FHIT: variants seen among roughly 807,000 people sequenced by gnomAD.
FHIT encodes fragile histidine triad diadenosine triphosphatase, also known as bis(5'-adenosyl)-triphosphatase.
FHIT carries 19 observed loss-of-function variants against 17.9 expected under a neutral mutation model. The ratio of observed to expected loss-of-function variants is 1.06; its 90% CI spans 0.74 to 1.56. The LOEUF (loss-of-function observed/expected upper bound fraction) is 1.56, where lower values mean the gene tolerates loss of function less well. Among genes scored for constraint, FHIT ranks in the 40% most tolerant of loss-of-function variants. The pLI is 0.00. For missense variants in FHIT, 248 were observed against 189.2 expected, an observed-to-expected ratio of 1.31 and a Z score of -1.82; for synonymous variants, 81 against 69.7, an observed-to-expected ratio of 1.16 and a Z score of -0.81.
intron 5 of FHIT, among the ~76,000 whole-genome samples, chr3:60,219,678 A>C (rs1362845272): frequency 6.6e-6 from 1 of 152,062 alleles, no homozygotes; most frequent in Non-Finnish European, 1.5e-5. Flanking sequence ...CCCTTCATTA[A>C]TCTTGGGAAA....
intron 7 of FHIT, among the ~76,000 whole-genome samples, chr3:59,999,800 G>C (rs532742655): frequency 1.3e-5 from 2 of 152,140 alleles, no homozygotes; most frequent in South Asian, 4.1e-4. Context: ...TAGAGACAGG[G>C]TTTCACCATG....
chr3:60,145,491 A>G (rs1351845255), intron 5 of FHIT, among the ~76,000 whole-genome samples: 1 of 152,200 alleles, frequency 6.6e-6, no homozygotes, highest in Non-Finnish European at 1.5e-5. Context: ...TTTAGTTCAG[A>G]TGACTAAAAA....
At chr3:61,021,266 C>G (rs1049393487) in intron 3 of FHIT, among the ~76,000 whole-genome samples, 2 of 152,138 alleles carry the variant, frequency 1.3e-5, no homozygotes, top group Non-Finnish European at 2.9e-5. Flanking sequence ...TAAAATTGAC[C>G]ACATAAGTGG....
intron 8 of FHIT, among the ~76,000 whole-genome samples, chr3:59,795,012 C>T (rs148596277): frequency 6.6e-6 from 1 of 152,158 alleles, no homozygotes; most frequent in Non-Finnish European, 1.5e-5. Flanking sequence ...TACTTACTTA[C>T]CTCAAAGGAT....
In FHIT at chr3:60,730,560, T is replaced by C. The variant is rs142293378; in HGVS notation, c.-18+91359A>G. ...TGACTCACTTAAGCATTCTTCAGCA[T>C]GTGCGTGGATGCTGATGAAATAGCC... On this transcript the variant is annotated intron_variant, in intron 4 of 9. Transcript: ENST00000492590. The C allele has an allele frequency of 4.1e-3, 670 of 162,072 alleles. 3 individuals carry two copies. Among genetic ancestry groups the C allele is most frequent in the African/African-American group, 0.015 (640 of 41,650 alleles). The allele number at this position is 162,072 out of a possible 1,614,324, so 10.0% of individuals were successfully genotyped here.
intron 5 of FHIT, among the ~76,000 whole-genome samples, chr3:60,291,736 G>T (rs571329349): frequency 6.6e-6 from 1 of 152,028 alleles, no homozygotes; most frequent in Non-Finnish European, 1.5e-5. Flanking sequence ...TTTAGAGTGA[G>T]CCTTAAATCC....
chr3:60,611,359 G>A (rs36033536), intron 4 of FHIT, among the ~76,000 whole-genome samples: 15,835 of 152,162 alleles, frequency 0.1, 1,133 homozygotes, highest in Non-Finnish European at 0.15. Context: ...AGAAATATAT[G>A]GCAGGACATT....
intron 3 of FHIT, among the ~76,000 whole-genome samples, chr3:60,970,134 A>G (rs923823412): frequency 1.3e-5 from 2 of 152,168 alleles, no homozygotes; most frequent in Admixed American, 1.3e-4. Context: ...GTTTACTGAC[A>G]TTTTGTCTTC....
chr3:60,155,952 T>A (rs1700669996), intron 5 of FHIT, among the ~76,000 whole-genome samples: 2 of 152,202 alleles, frequency 1.3e-5, no homozygotes, highest in African/African-American at 4.8e-5. Flanking sequence ...CTTCTCCTTC[T>A]AAAGTAAATA....
chr3:59,976,682 G>A (rs1274546448), intron 7 of FHIT, among the ~76,000 whole-genome samples: 2 of 151,976 alleles, frequency 1.3e-5, no homozygotes, highest in East Asian at 1.9e-4. Context: ...AAATCAAATC[G>A]ATATTTGCCT....
intron 5 of FHIT, among the ~76,000 whole-genome samples, chr3:60,518,543 A>C (rs1317828647): frequency 6.6e-6 from 1 of 152,212 alleles, no homozygotes; most frequent in Admixed American, 6.5e-5. Flanking sequence ...TCATCCATTT[A>C]AACACCACAT....
chr3:59,933,551 G>A lies in FHIT; in HGVS notation c.280-11137C>T, dbSNP rs185700741. 2.8e-4 allele frequency among the ~76,000 whole-genome samples: 42 copies of A among 152,182 alleles called. No individual in the cohort carries two copies. In the East Asian group the frequency reaches 5.6e-3, roughly 20 times the overall value. On this transcript the variant is annotated intron_variant, in intron 7 of 9. Transcript: ENST00000492590. ...GCTCACCAAGCTGGCAAAAGTGGCCGAGTTAAGATTCTAAGTCAGGTTGAT... is the reference window on the plus strand; with the variant it reads ...GCTCACCAAGCTGGCAAAAGTGGCCAAGTTAAGATTCTAAGTCAGGTTGAT...
intron 7 of FHIT, among the ~76,000 whole-genome samples, chr3:59,971,836 G>A (rs1055712589): frequency 1.3e-5 from 2 of 152,114 alleles, no homozygotes; most frequent in African/African-American, 4.8e-5. Flanking sequence ...CAGATGAAAC[G>A]AGTTACCACA....
intron 5 of FHIT, among the ~76,000 whole-genome samples, chr3:60,128,014 T>C (rs949115647): frequency 6.6e-6 from 1 of 152,204 alleles, no homozygotes; most frequent in African/African-American, 2.4e-5. Flanking sequence ...ATTAAGATTG[T>C]TAAATTTTGC....
intron 4 of FHIT, among the ~76,000 whole-genome samples, chr3:60,637,591 G>T (rs1343083005): frequency 6.6e-6 from 1 of 151,888 alleles, no homozygotes; most frequent in Non-Finnish European, 1.5e-5. Flanking sequence ...TATTCCTATT[G>T]GCTGTCTATT....
intron 8 of FHIT, among the ~76,000 whole-genome samples, chr3:59,825,353 TCA>T (rs1479540166): frequency 6.6e-6 from 1 of 152,220 alleles, no homozygotes; most frequent in Non-Finnish European, 1.5e-5. Flanking sequence ...CCTATGAGCC[TCA>T]GTGTGTGTTA....
At chr3:60,767,662 G>A (rs2108067385) in intron 4 of FHIT, among the ~76,000 whole-genome samples, 1 of 152,312 alleles carries the variant, frequency 6.6e-6, no homozygotes, top group South Asian at 2.1e-4. Context: ...ATGATCAGAT[G>A]GCTATCAGAC....
intron 5 of FHIT, among the ~76,000 whole-genome samples, chr3:60,331,500 C>A (rs986986050): frequency 3.3e-5 from 5 of 152,146 alleles, no homozygotes; most frequent in African/African-American, 1.2e-4. Context: ...CTCATGCCTG[C>A]CCTAGGTTGG....
intron 4 of FHIT, among the ~76,000 whole-genome samples, chr3:60,694,878 C>T (rs1475832922): frequency 6.6e-6 from 1 of 151,672 alleles, no homozygotes; most frequent in African/African-American, 2.4e-5. Flanking sequence ...AACACTTGGA[C>T]ACAAGAAGGG....
Sources: gnomAD v4.1 joint callset for allele counts (sites outside exome capture counted in the v4.1 genomes callset) on GRCh38, gnomAD v4.1.1 for gene constraint, MANE v1.5 for transcripts, NCBI Gene and HGNC (gene_info 2026-07-23, HGNC 2026-07-21) for gene names.